The following JAK1 variants were observed in gnomAD, a reference collection of about 807,000 sequenced individuals.
JAK1 encodes the protein tyrosine-protein kinase JAK1.
Under a neutral mutation model 136.6 loss-of-function variants are expected in JAK1, and 16 were observed. The observed-to-expected ratio is 0.12, with a 90% CI of 0.08 to 0.18. The LOEUF (loss-of-function observed/expected upper bound fraction) is 0.18. JAK1 is among the 10% of genes least tolerant of loss of function. The pLI is 1.00. For missense variants in JAK1, 859 were observed against 1,450.1 expected (o/e 0.59, Z 6.62); for synonymous variants, 492 against 519.5 (o/e 0.95, Z 0.72).
intron 2 of JAK1, chr1:65,004,201 A>G (rs916408232): frequency 1.3e-5 from 2 of 152,282 alleles, no homozygotes. Flanking sequence ...TCAGCCTCCC[A>G]AAGTGCTGGG....
chr1:64,849,257 A>T (rs531972029), intron 12 of JAK1, among the ~76,000 whole-genome samples: 8 of 152,060 alleles, frequency 5.3e-5, no homozygotes, highest in African/African-American at 1.9e-4. Flanking sequence ...CAGCACAATC[A>T]TAGCTCACTG....
intron 8 of JAK1, among the ~76,000 whole-genome samples, chr1:64,860,990 A>T (rs1656297222): frequency 8.5e-6 from 1 of 117,800 alleles, no homozygotes; most frequent in East Asian, 2.2e-4. Context: ...GTTGGGGGTG[A>T]CGCGGTGGGG....
intron 1 of JAK1, among the ~76,000 whole-genome samples, chr1:64,957,982 T>C (rs1646221337): frequency 6.6e-6 from 1 of 152,194 alleles, no homozygotes; most frequent in Non-Finnish European, 1.5e-5. Context: ...CTCCCTTTTC[T>C]TACAACCCAC....
intron 1 of JAK1, among the ~76,000 whole-genome samples, chr1:64,911,977 CCT>C (rs1185037375): frequency 6.6e-6 from 1 of 152,160 alleles, no homozygotes; most frequent in African/African-American, 2.4e-5. Flanking sequence ...CAATAATCTT[CCT>C]CTGTTTTCTG....
upstream of JAK1, among the ~76,000 whole-genome samples, chr1:64,970,134 C>CAAAA (rs1232133832): frequency 4.6e-4 from 23 of 49,510 alleles, 11 homozygotes; most frequent in East Asian, 1.9e-3. Flanking sequence ...GACCCTGTCT[C>CAAAA]AAAAAAAAAA....
intron 1 of JAK1, among the ~76,000 whole-genome samples, chr1:64,948,518 G>A (rs1646026383): frequency 6.6e-6 from 1 of 152,220 alleles, no homozygotes; most frequent in African/African-American, 2.4e-5. Context: ...AACTAGCCTT[G>A]TTGATTTCGC....
chr1:65,045,499 G>T (rs28635031), intron 1 of JAK1, among the ~76,000 whole-genome samples: 3 of 152,026 alleles, frequency 2.0e-5, no homozygotes, highest in African/African-American at 7.3e-5. Context: ...AAGCATGAAA[G>T]CATGGTGGGA....
chr1:64,893,707 G>A (rs997471760), intron 1 of JAK1, among the ~76,000 whole-genome samples: 4 of 152,110 alleles, frequency 2.6e-5, no homozygotes, highest in Non-Finnish European at 4.4e-5. Flanking sequence ...ACTGAAAAAA[G>A]AAACAAATAA....
intron 1 of JAK1, among the ~76,000 whole-genome samples, chr1:64,936,798 C>T (rs1645797010): frequency 6.6e-6 from 1 of 152,212 alleles, no homozygotes; most frequent in South Asian, 2.1e-4. Context: ...AGAGGCTAAG[C>T]CAACGTTTCT....
intron 7 of JAK1, 144 bp from the exon 8 acceptor site, chr1:64,865,116 G>T: frequency 1.6e-6 from 1 of 640,788 alleles, no homozygotes; most frequent in Non-Finnish European, 2.7e-6. Context: ...GATTGGGGGA[G>T]TTGGCACCTG....
intron 2 of JAK1, among the ~76,000 whole-genome samples, chr1:65,005,220 T>C (rs563965805): frequency 1.2e-4 from 19 of 152,264 alleles, no homozygotes; most frequent in Admixed American, 5.2e-4. Flanking sequence ...GGCACGCACC[T>C]GTAATCCCAG....
chr1:64,983,436 A>T (rs762750268), intron 2 of JAK1, among the ~76,000 whole-genome samples: 7 of 152,264 alleles, frequency 4.6e-5, no homozygotes, highest in African/African-American at 1.7e-4. Context: ...AGCTGAGGCT[A>T]CAAATTCCAA....
At chr1:64,934,701 T>C (rs1645757862) in intron 1 of JAK1, among the ~76,000 whole-genome samples, 1 of 152,218 alleles carries the variant, frequency 6.6e-6, no homozygotes, top group African/African-American at 2.4e-5. Flanking sequence ...ATCTTTCCGG[T>C]GAAGTCCTGT....
chr1:64,985,047 G>A, intron 2 of JAK1: 1 of 867,722 alleles, frequency 1.2e-6, no homozygotes, highest in Non-Finnish European at 2.0e-6. Context: ...CAAACAAACA[G>A]ACATGAGGAT....
intron 2 of JAK1, among the ~76,000 whole-genome samples, chr1:65,020,913 T>C (rs1362409752): frequency 1.3e-5 from 2 of 152,172 alleles, no homozygotes; most frequent in East Asian, 1.9e-4. Context: ...AAGCCTTTAT[T>C]AGAACCAGGA....
intron 1 of JAK1, among the ~76,000 whole-genome samples, chr1:64,958,796 A>G (rs1646235331): frequency 6.6e-6 from 1 of 152,248 alleles, no homozygotes; most frequent in Non-Finnish European, 1.5e-5. Flanking sequence ...GCCTCCAGAT[A>G]AAATTGTGCT....
intron 1 of JAK1, among the ~76,000 whole-genome samples, chr1:64,903,056 T>C (rs1479487956): frequency 6.6e-6 from 1 of 152,162 alleles, no homozygotes; most frequent in Non-Finnish European, 1.5e-5. Flanking sequence ...GACAGAGTTT[T>C]GCTCTTGTCA....
upstream of JAK1, among the ~76,000 whole-genome samples, chr1:64,969,596 A>G (rs1043625685): frequency 9.2e-5 from 14 of 152,164 alleles, no homozygotes; most frequent in Admixed American, 9.2e-4. Context: ...GCTGCGAGAG[A>G]TGACAGCCTA....
chr1:65,036,332 G>T (rs1647074483), intron 2 of JAK1, among the ~76,000 whole-genome samples: 1 of 152,040 alleles, frequency 6.6e-6, no homozygotes, highest in Non-Finnish European at 1.5e-5. Flanking sequence ...CTGCTTGAGA[G>T]GCTAAGGTGG....
Sources: allele counts gnomAD v4.1 joint callset (sites outside exome capture counted in the v4.1 genomes callset), GRCh38; gene constraint gnomAD v4.1.1; transcripts MANE v1.5; gene names NCBI Gene and HGNC (gene_info 2026-07-23, HGNC 2026-07-21).